The following YJU2 variants were observed in gnomAD, a reference collection of about 807,000 sequenced individuals.
YJU2 encodes the protein YJU2 splicing factor homolog, also known as splicing factor YJU2.
In YJU2, 28 loss-of-function variants were observed where a neutral mutation model predicts 39.6. That is an observed-to-expected ratio of 0.71 (90% CI 0.52 to 0.97). The LOEUF (loss-of-function observed/expected upper bound fraction) is 0.97, where lower values mean the gene tolerates loss of function less well. Ranked by LOEUF, YJU2 falls within the 50% of genes least tolerant of loss-of-function variation. The pLI is 0.00. For synonymous variants in YJU2, 184 were observed against 182.4 expected (o/e 1.01, Z -0.07); for missense variants, 328 against 430.4 (o/e 0.76, Z 2.11).
chr19:4,254,523 CTGTGTGTGTGGG>C (rs1236295667), intron 4 of YJU2, 34 bp downstream of exon 4: 4 of 1,542,652 alleles, frequency 2.6e-6, no homozygotes, highest in Admixed American at 4.1e-5. Context: ...TTCATGGGCG[CTGTGTGTGTGGG>C]TGTGTGTGTG....
chr19:4,268,475 T>G (rs1971134862), intron 7 of YJU2, 109 bp from the exon 8 acceptor site: 1 of 693,168 alleles, frequency 1.4e-6, no homozygotes, highest in Non-Finnish European at 2.5e-6. Flanking sequence ...GCCATTCACA[T>G]GCTGTCACCT....
Position 4,264,862 on chromosome 19 carries a change from A to G in YJU2, c.708+2748A>G, listed in dbSNP as rs543559853. On this transcript the variant is annotated intron_variant, in intron 6 of 7. Transcript: ENST00000262962. ...AGGCTGGTCTCACGCACCTGGCCTC[A>G]AGCAGTTCTCCCGCCAAGGCACAGG... is the stretch of plus-strand genomic sequence containing the variant. 8.5e-4 allele frequency among the ~76,000 whole-genome samples: 130 copies of G among 152,162 alleles called. 1 individual carries two copies. Among genetic ancestry groups the G allele is most frequent in the African/African-American group, 3.0e-3 (123 of 41,530 alleles).
At chr19:4,248,805 G>A (rs1398941073) in intron 1 of YJU2, among the ~76,000 whole-genome samples, 1 of 151,992 alleles carries the variant, frequency 6.6e-6, no homozygotes, top group Non-Finnish European at 1.5e-5. Context: ...TGTAATCCCA[G>A]CTACTGTAGA....
Position 4,268,565 on chromosome 19 carries a change from ACT to A in YJU2, c.860-15_860-14del, listed in dbSNP as rs767092282. 18 of 1,570,860 alleles carry A rather than the reference ACT, an allele frequency of 1.1e-5. No individual in the cohort carries two copies. The highest frequency in any genetic ancestry group is 1.5e-5 in the Non-Finnish European group (17 of 1,147,200). ...TCTGCTGTGGAGCTGAGATGAGCTA[ACT>A]CTCGCTCTCCCACCAGGAGCCCCGC... On this transcript the variant is annotated splice_polypyrimidine_tract_variant and intron_variant, in intron 7 of 7. Coordinates refer to ENST00000262962, the MANE Select transcript of YJU2 (RefSeq NM_018074.6).
At chr19:4,261,966 G>A (rs377372481) in intron 5 of YJU2, 28 bp from the exon 6 acceptor site, 86 of 1,609,556 alleles carry the variant, frequency 5.3e-5, no homozygotes, top group African/African-American at 6.7e-5. Context: ...AACAGAGCAC[G>A]TCCAAGTTCC....
intron 6 of YJU2, among the ~76,000 whole-genome samples, chr19:4,263,990 C>T (rs1027206314): frequency 6.0e-5 from 9 of 150,926 alleles, no homozygotes; most frequent in South Asian, 2.1e-4. Flanking sequence ...CGGCCGGGCG[C>T]GGTGGCTCAC....
At chr19:4,254,210 C>T (rs1385475541) in intron 3 of YJU2, 145 bp from the exon 4 acceptor site, 12 of 701,798 alleles carry the variant, frequency 1.7e-5, no homozygotes, top group Non-Finnish European at 2.7e-5. Context: ...AGAAATCTCA[C>T]CAGTCAAAGC....
intron 1 of YJU2, chr19:4,247,396 G>C (rs1265693026): frequency 2.0e-6 from 1 of 499,262 alleles, no homozygotes; most frequent in Non-Finnish European, 3.6e-6. Flanking sequence ...TTAGTCACCT[G>C]CGGGGCGTGG....
At chr19:4,258,630 C>T (rs1971043898) in intron 5 of YJU2, among the ~76,000 whole-genome samples, 1 of 152,358 alleles carries the variant, frequency 6.6e-6, no homozygotes, top group Non-Finnish European at 1.5e-5. Context: ...CGTGGTCGCC[C>T]GCATGGCTGC....
intron 1 of YJU2, among the ~76,000 whole-genome samples, chr19:4,247,582 CGTGTGTGTGTGTGTGT>C (rs1348900052): frequency 3.7e-5 from 1 of 27,316 alleles, no homozygotes. Context: ...TGGGGTGGCG[CGTGTGTGTGTGTGTGT>C]GTGTGTGTGT....
At chr19:4,263,665 C>G (rs746149365) in intron 6 of YJU2, among the ~76,000 whole-genome samples, 1 of 151,970 alleles carries the variant, frequency 6.6e-6, no homozygotes, top group Admixed American at 6.6e-5. Context: ...CAAAAATTAG[C>G]TGGACATGGC....
chr19:4,267,503 G>T, intron 6 of YJU2, 121 bp from the exon 7 acceptor site: 1 of 1,033,266 alleles, frequency 9.7e-7, no homozygotes, highest in Non-Finnish European at 1.4e-6. Flanking sequence ...AGCAGAGGAG[G>T]AATGTGGTCA....
At chr19:4,267,799 C>T (rs201987930) in intron 7 of YJU2, 25 bp downstream of exon 7, 25 of 1,597,138 alleles carry the variant, frequency 1.6e-5, no homozygotes, top group African/African-American at 1.2e-4. Flanking sequence ...TTCCCAGAGC[C>T]GGGCGCGGTT....
At chr19:4,259,078 T>C (rs1292698441) in intron 5 of YJU2, among the ~76,000 whole-genome samples, 1 of 114,930 alleles carries the variant, frequency 8.7e-6, no homozygotes, top group Non-Finnish European at 1.7e-5. Context: ...TTTCTTTTTT[T>C]TTTTTTTTTT....
At chr19:4,247,439 G>GTTT in intron 1 of YJU2, 1 of 358,850 alleles carries the variant, frequency 2.8e-6, no homozygotes, top group Non-Finnish European at 5.0e-6. Flanking sequence ...ACCAGATAGG[G>GTTT]TTTTTTTTCT....
At chr19:4,263,391 C>T (rs778294093) in intron 6 of YJU2, among the ~76,000 whole-genome samples, 1 of 152,144 alleles carries the variant, frequency 6.6e-6, no homozygotes, top group Non-Finnish European at 1.5e-5. Context: ...GCCTCAGATG[C>T]GGCCCACCTC....
At position 4,251,510 on chromosome 19, in the gene YJU2, G is replaced by A. The variant is rs148637390; in HGVS notation, c.270+339G>A. On this transcript the variant is annotated intron_variant, in intron 3 of 7. Coordinates refer to ENST00000262962, the MANE Select transcript of YJU2 (RefSeq NM_018074.6). ...TCAAGACCACCCTAGCCAACATGGC[G>A]AAATGCCATGTCTACTAAAAATACA... Among the ~76,000 whole-genome samples, 422 of 152,204 alleles carry A rather than the reference G, an allele frequency of 2.8e-3. 3 individuals carry two copies. Among genetic ancestry groups the A allele is most frequent in the African/African-American group, 9.7e-3 (403 of 41,548 alleles).
intron 6 of YJU2, among the ~76,000 whole-genome samples, chr19:4,265,048 T>C (rs1359658721): frequency 1.3e-5 from 2 of 152,176 alleles, no homozygotes; most frequent in Non-Finnish European, 1.5e-5. Context: ...TTCTTTTTTT[T>C]TTGAATGAAT....
intron 4 of YJU2, among the ~76,000 whole-genome samples, chr19:4,257,226 C>T (rs927245316): frequency 2.0e-5 from 3 of 152,078 alleles, no homozygotes; most frequent in Non-Finnish European, 4.4e-5. Flanking sequence ...AATGAGATGG[C>T]ATATGGAAAC....
Sources: allele counts gnomAD v4.1 joint callset (sites outside exome capture counted in the v4.1 genomes callset), GRCh38; gene constraint gnomAD v4.1.1; transcripts MANE v1.5; gene names NCBI Gene and HGNC (gene_info 2026-07-23, HGNC 2026-07-21).